Variants in GPATCH8 observed in about 807,000 individuals in gnomAD.
GPATCH8 encodes G patch domain-containing protein 8.
In GPATCH8, 18 loss-of-function variants were observed where a neutral mutation model predicts 118.3. The observed-to-expected ratio is 0.15, with a 90% CI of 0.11 to 0.23. The LOEUF is 0.23. Ranked by LOEUF, GPATCH8 falls within the 10% of genes least tolerant of loss-of-function variation. The pLI is 1.00. For missense variants in GPATCH8, 1,631 were observed against 1,873.8 expected (o/e 0.87, Z 2.39); for synonymous variants, 659 against 684.7 (o/e 0.96, Z 0.59).
intron 1 of GPATCH8, 66 bp from the exon 2 acceptor site, chr17:44,474,969 C>A (rs748174731): frequency 1.0e-5 from 8 of 779,960 alleles, no homozygotes; most frequent in Non-Finnish European, 1.8e-5. Context: ...AACAGCTTAA[C>A]CAAACTAAGG....
intron 3 of GPATCH8, among the ~76,000 whole-genome samples, chr17:44,451,537 C>CAA (rs1428675293): frequency 3.3e-5 from 5 of 152,086 alleles, no homozygotes; most frequent in Non-Finnish European, 7.4e-5. Flanking sequence ...GACACATCAA[C>CAA]AAAAATTATA....
chr17:44,497,939 C>CA (rs530336130), intron 1 of GPATCH8, among the ~76,000 whole-genome samples: 222 of 134,244 alleles, frequency 1.7e-3, no homozygotes, highest in African/African-American at 4.7e-3. Flanking sequence ...ACACTGTCTC[C>CA]AAAAAAAAAA....
chr17:44,463,948 C>T (rs889725738), intron 3 of GPATCH8, among the ~76,000 whole-genome samples: 2 of 152,104 alleles, frequency 1.3e-5, no homozygotes, highest in Non-Finnish European at 2.9e-5. Context: ...CCTCAAAAAC[C>T]TCTGCTTTCA....
chr17:44,468,275 T>C (rs1966967247), intron 2 of GPATCH8, among the ~76,000 whole-genome samples: 1 of 151,682 alleles, frequency 6.6e-6, no homozygotes, highest in South Asian at 2.1e-4. Flanking sequence ...GACTGGTCCA[T>C]GGATGCTATT....
chr17:44,401,174 T>C lies in GPATCH8; in HGVS notation c.903A>G (p.Ser301=), dbSNP rs530425803. The C allele has an allele frequency of 5.6e-6, 9 of 1,614,140 alleles. No homozygotes were observed. The East Asian group carries it at 1.6e-4, about 28-fold the overall frequency. ...CAGGAGCCTTTTTGGCAAAAGAAAATGACACTCCCAATTTTTGCAATGGGG... is the reference window on the plus strand; with the variant it reads ...CAGGAGCCTTTTTGGCAAAAGAAAACGACACTCCCAATTTTTGCAATGGGG... The part of the protein sequence containing the change: ...LGTPLQKLGV[S]FSFAKKAPVK... The change falls in exon 8 of 8, where the codon TCA becomes TCG. Residue 301 remains serine (S), a synonymous_variant. Coordinates refer to ENST00000591680, the MANE Select transcript of GPATCH8 (RefSeq NM_001002909.4).
At chr17:44,461,834 G>C (rs1321359932) in intron 3 of GPATCH8, among the ~76,000 whole-genome samples, 1 of 147,792 alleles carries the variant, frequency 6.8e-6, no homozygotes, top group South Asian at 2.2e-4. Flanking sequence ...GGGACCACAG[G>C]CATGGACTAC....
chr17:44,467,043 A>T, intron 2 of GPATCH8: 2 of 804,364 alleles, frequency 2.5e-6, no homozygotes, highest in Non-Finnish European at 3.6e-6. Context: ...CAGATGAAGC[A>T]GTATGCTATT....
intron 3 of GPATCH8, among the ~76,000 whole-genome samples, chr17:44,460,738 A>C (rs2051512984): frequency 6.6e-6 from 1 of 152,252 alleles, no homozygotes; most frequent in Admixed American, 6.5e-5. Flanking sequence ...CAAAAGCATA[A>C]GCCCAGAAAT....
intron 1 of GPATCH8, among the ~76,000 whole-genome samples, chr17:44,495,598 C>T (rs35582581): frequency 0.018 from 2,779 of 152,224 alleles, 88 homozygotes; most frequent in African/African-American, 0.064. Flanking sequence ...CGTACTTCTT[C>T]GTACAACCAC....
At position 44,397,858 on chromosome 17, in the gene GPATCH8, G is replaced by A; in HGVS notation, c.4219C>T (p.His1407Tyr). 1 of 1,606,734 alleles carries A rather than the reference G, an allele frequency of 6.2e-7. No homozygotes were observed. The highest frequency in any genetic ancestry group is 8.5e-7 in the Non-Finnish European group (1 of 1,174,510). Residue 1407 changes from histidine to tyrosine, a missense_variant, in exon 8 of 8, where the codon CAT becomes TAT. By Grantham distance (83) the His-to-Tyr change is moderately conservative. Around this residue, in one of 8 missense-constraint regions of GPATCH8, gnomAD observed 111 missense variants for 112.4 expected, o/e 0.99. Transcript: ENST00000591680. ...GGGGTCAGATGGGGCTGGGGAATATGATGCACCTGGGCAAGTGGTTGGGGA... is the reference window on the plus strand; with the variant it reads ...GGGGTCAGATGGGGCTGGGGAATATAATGCACCTGGGCAAGTGGTTGGGGA... ...PHPQPLAQVH[H>Y]IPQPHLTPIS... is the part of the protein sequence containing the mutation.
chr17:44,458,131 G>T (rs1598548402), intron 3 of GPATCH8, among the ~76,000 whole-genome samples: 1 of 150,212 alleles, frequency 6.7e-6, no homozygotes, highest in South Asian at 2.1e-4. Context: ...TGCGCCTGTA[G>T]TCCCCACTAC....
chr17:44,421,978 GCCTCCCAA>G (rs2049922243), intron 6 of GPATCH8, among the ~76,000 whole-genome samples: 1 of 151,928 alleles, frequency 6.6e-6, no homozygotes, highest in East Asian at 1.9e-4. Context: ...GTCCATCTCA[GCCTCCCAA>G]AGTGCTGGGA....
At chr17:44,451,993 G>A (rs1296200743) in intron 3 of GPATCH8, among the ~76,000 whole-genome samples, 1 of 152,030 alleles carries the variant, frequency 6.6e-6, no homozygotes, top group Non-Finnish European at 1.5e-5. Flanking sequence ...TGGGCAGGCT[G>A]GGCGTGGTGG....
intron 5 of GPATCH8, among the ~76,000 whole-genome samples, chr17:44,430,331 T>A (rs1231991512): frequency 6.6e-6 from 1 of 152,084 alleles, no homozygotes; most frequent in Non-Finnish European, 1.5e-5. Flanking sequence ...GTGGGATTTA[T>A]CCCAGGAACT....
At chr17:44,489,619 C>T (rs1056225995) in intron 1 of GPATCH8, among the ~76,000 whole-genome samples, 11 of 152,130 alleles carry the variant, frequency 7.2e-5, no homozygotes, top group African/African-American at 2.4e-4. Flanking sequence ...GGATTACAGG[C>T]GTGAGCCACC....
intron 1 of GPATCH8, among the ~76,000 whole-genome samples, chr17:44,494,448 C>T (rs1568073178): frequency 6.6e-6 from 1 of 152,136 alleles, no homozygotes; most frequent in South Asian, 2.1e-4. Context: ...AAAAATTAGC[C>T]GGGCATGTTG....
chr17:44,493,148 G>A (rs1050865597), intron 1 of GPATCH8, among the ~76,000 whole-genome samples: 1 of 148,436 alleles, frequency 6.7e-6, no homozygotes, highest in African/African-American at 2.5e-5. Flanking sequence ...TGCCTCCTGG[G>A]TTCATGCAAT....
intron 3 of GPATCH8, among the ~76,000 whole-genome samples, chr17:44,444,181 T>C (rs1026851308): frequency 2.0e-5 from 3 of 151,936 alleles, no homozygotes; most frequent in Admixed American, 1.3e-4. Flanking sequence ...GAAGGATATC[T>C]CATCCAGGGA....
chr17:44,466,066 G>C (rs1410087906), intron 2 of GPATCH8: 3 of 152,082 alleles, frequency 2.0e-5, no homozygotes, highest in Non-Finnish European at 4.4e-5. Flanking sequence ...TGCCCAGGCT[G>C]GTGTACAGTG....
Sources: gnomAD v4.1 joint callset for allele counts (sites outside exome capture counted in the v4.1 genomes callset) on GRCh38, gnomAD v4.1.1 for gene constraint, gnomAD v4.1.1 regional missense constraint, MANE v1.5 for transcripts, NCBI Gene and HGNC (gene_info 2026-07-23, HGNC 2026-07-21) for gene names.